Variants in MYT1L observed in about 807,000 individuals in gnomAD.
MYT1L encodes the protein myelin transcription factor 1-like protein.
MYT1L carries 12 observed loss-of-function variants against 126.7 expected under a neutral mutation model. That is an observed-to-expected ratio of 0.09 (90% CI 0.06 to 0.15). The LOEUF is 0.15. Ranked by LOEUF, MYT1L falls within the 10% of genes least tolerant of loss-of-function variation. The pLI, the probability that MYT1L is intolerant of heterozygous loss-of-function variation, is 1.00. For missense variants in MYT1L, 979 were observed against 1,585.2 expected, an observed-to-expected ratio of 0.62 and a Z score of 6.49; for synonymous variants, 541 against 604.2, an observed-to-expected ratio of 0.90 and a Z score of 1.53.
chr2:1,949,132 T>C (rs1344519934), intron 8 of MYT1L, among the ~76,000 whole-genome samples: 1 of 152,160 alleles, frequency 6.6e-6, no homozygotes, highest in Non-Finnish European at 1.5e-5. Flanking sequence ...TGATTCTCAA[T>C]GCAGAAGCAA....
intron 4 of MYT1L, among the ~76,000 whole-genome samples, chr2:2,028,562 A>T (rs1328638293): frequency 1.3e-5 from 2 of 152,132 alleles, no homozygotes; most frequent in Non-Finnish European, 2.9e-5. Context: ...AGAATTTTAG[A>T]GGAAATTAAA....
chr2:2,033,803 C>G (rs2066690415), intron 4 of MYT1L, among the ~76,000 whole-genome samples: 1 of 152,126 alleles, frequency 6.6e-6, no homozygotes, highest in Admixed American at 6.5e-5. Flanking sequence ...CCCCAACGGC[C>G]CCTGGGGACA....
Position 2,261,499 on chromosome 2 carries a change from G to C in MYT1L, c.-421+22905C>G, listed in dbSNP as rs1241978395. ...ACAGCATTAGTCCTCCCCCCTGTTA[G>C]GTAGGAAACAGAATTATCTTCCATT... On this transcript the variant is annotated intron_variant, in intron 2 of 24. Transcript: ENST00000647738. 2.6e-5 allele frequency among the ~76,000 whole-genome samples: 4 copies of C among 152,148 alleles called. No individual in the cohort carries two copies. In the East Asian group the frequency reaches 7.7e-4, roughly 29 times the overall value.
intron 23 of MYT1L, among the ~76,000 whole-genome samples, chr2:1,794,708 A>C (rs1244953470): frequency 6.6e-6 from 1 of 152,172 alleles, no homozygotes; most frequent in African/African-American, 2.4e-5. Flanking sequence ...AATCTCTGTG[A>C]GACTCAGGAG....
intron 3 of MYT1L, among the ~76,000 whole-genome samples, chr2:2,153,562 A>C (rs952647079): frequency 1.3e-5 from 2 of 152,158 alleles, no homozygotes; most frequent in Non-Finnish European, 2.9e-5. Flanking sequence ...GGTGGGCTGG[A>C]AAGTGAGGAA....
intron 9 of MYT1L, among the ~76,000 whole-genome samples, chr2:1,934,727 T>TACAC (rs56320658): frequency 0.028 from 3,808 of 138,294 alleles, 58 homozygotes; most frequent in African/African-American, 0.037. Flanking sequence ...CTCTGTCATG[T>TACAC]ACACACACAC....
At chr2:2,100,997 T>C (rs2078002639) in intron 3 of MYT1L, among the ~76,000 whole-genome samples, 1 of 152,206 alleles carries the variant, frequency 6.6e-6, no homozygotes, top group Non-Finnish European at 1.5e-5. Context: ...AGCAGAGTTA[T>C]CACTCCTCAA....
chr2:1,843,010 C>T lies in MYT1L; in HGVS notation c.2775-2167G>A, dbSNP rs551287751. The T allele has an allele frequency of 5.8e-4, 89 of 154,540 alleles. 1 individual carries two copies. The South Asian group carries it at 0.016, about 28-fold the overall frequency. The allele number at this position is 154,540 out of a possible 1,614,324, so 9.6% of individuals were successfully genotyped here. A position where few individuals can be genotyped will look rare whatever the true frequency, so the allele number is the denominator to read the frequency against. ...CGGGCTGGGAACACCTCCAGGCCAG[C>T]GCTTTAGCATCATCCGAGGCTCTCC... is the stretch of plus-strand genomic sequence containing the variant. On this transcript the variant is annotated intron_variant, in intron 19 of 24. Coordinates refer to ENST00000647738, the MANE Select transcript of MYT1L (RefSeq NM_001303052.2).
intron 3 of MYT1L, among the ~76,000 whole-genome samples, chr2:2,093,150 C>G (rs557651872): frequency 2.6e-5 from 4 of 152,228 alleles, no homozygotes; most frequent in African/African-American, 9.6e-5. Flanking sequence ...TAGAGTTTGT[C>G]TCCCTCAAAT....
intron 2 of MYT1L, among the ~76,000 whole-genome samples, chr2:2,247,663 A>T (rs1300991842): frequency 6.6e-6 from 1 of 152,232 alleles, no homozygotes; most frequent in Non-Finnish European, 1.5e-5. Context: ...AAAAAATTGA[A>T]ATAATATCAA....
intron 3 of MYT1L, among the ~76,000 whole-genome samples, chr2:2,090,534 G>T (rs569056184): frequency 1.3e-5 from 2 of 152,180 alleles, no homozygotes; most frequent in African/African-American, 2.4e-5. Flanking sequence ...CCTCAATGTC[G>T]ATGGCTGCTG....
intron 3 of MYT1L, among the ~76,000 whole-genome samples, chr2:2,076,531 C>A (rs1473354621): frequency 6.6e-6 from 1 of 152,104 alleles, no homozygotes; most frequent in Non-Finnish European, 1.5e-5. Flanking sequence ...AAACTACAAG[C>A]TCCAAGAACT....
rs548532936 is a variant in MYT1L at position 2,032,695 on chromosome 2, C to A, written c.-158+21283G>T. On this transcript the variant is annotated intron_variant, in intron 4 of 24. Coordinates refer to ENST00000647738, the MANE Select transcript of MYT1L (RefSeq NM_001303052.2). ...CACACCCCTCGCAAGTGCCTCTCAT[C>A]CTGTGGCCCAGAGCAGATTCTAGAA... Among the ~76,000 whole-genome samples, 12 of 112,024 alleles carry A rather than the reference C, an allele frequency of 1.1e-4. No homozygotes were observed. In the South Asian group the frequency reaches 4.2e-3, roughly 40 times the overall value. 73.5% of individuals were successfully genotyped at this position (112,024 alleles called of 152,430 possible). A position where few individuals can be genotyped will look rare whatever the true frequency, so the allele number is the denominator to read the frequency against.
intron 9 of MYT1L, among the ~76,000 whole-genome samples, chr2:1,928,911 C>T (rs150404185): frequency 3.4e-4 from 52 of 152,168 alleles, no homozygotes; most frequent in African/African-American, 1.2e-3. Context: ...GCCTGGGAAG[C>T]CTGAGGGATC....
At chr2:2,011,337 G>A (rs964970438) in intron 4 of MYT1L, among the ~76,000 whole-genome samples, 1 of 151,712 alleles carries the variant, frequency 6.6e-6, no homozygotes, top group African/African-American at 2.4e-5. Context: ...GAGTTGCAGT[G>A]AGTTGCAGTG....
chr2:1,831,858 C>A (rs2040236392), intron 21 of MYT1L, among the ~76,000 whole-genome samples: 1 of 152,088 alleles, frequency 6.6e-6, no homozygotes, highest in Non-Finnish European at 1.5e-5. Flanking sequence ...CCCCCTGGAC[C>A]CCTGAGTCCC....
chr2:2,321,353 G>A (rs558187297), intron 1 of MYT1L, among the ~76,000 whole-genome samples: 4 of 152,256 alleles, frequency 2.6e-5, no homozygotes, highest in African/African-American at 9.6e-5. Context: ...TCTCTATGGG[G>A]TGCCCTGCAG....
intron 4 of MYT1L, among the ~76,000 whole-genome samples, chr2:2,011,573 A>T (rs1329257426): frequency 2.0e-5 from 3 of 152,120 alleles, no homozygotes. Flanking sequence ...CAAATACACC[A>T]CCACAAAAGT....
intron 23 of MYT1L, among the ~76,000 whole-genome samples, chr2:1,796,096 G>A (rs898227893): frequency 8.9e-4 from 136 of 152,200 alleles, no homozygotes; most frequent in Non-Finnish European, 1.3e-4. Context: ...ATTAAATTCC[G>A]ACTGCAGCAC....
Sources: allele counts gnomAD v4.1 joint callset (sites outside exome capture counted in the v4.1 genomes callset), GRCh38; gene constraint gnomAD v4.1.1; transcripts MANE v1.5; gene names NCBI Gene and HGNC (gene_info 2026-07-23, HGNC 2026-07-21).